Variants in NME7 observed in about 807,000 individuals in gnomAD.
NME7 encodes nucleoside diphosphate kinase 7.
Under a neutral mutation model 49.1 loss-of-function variants are expected in NME7, and 41 were observed. The ratio of observed to expected loss-of-function variants is 0.83; its 90% CI spans 0.65 to 1.08. The LOEUF (loss-of-function observed/expected upper bound fraction) is 1.08. Among genes scored for constraint, NME7 ranks in the 50% least tolerant of loss-of-function variants. The probability of loss-of-function intolerance (pLI) is 0.00; values close to 1 mark genes in which losing one functional copy is unlikely to be tolerated. For synonymous variants in NME7, 139 were observed against 150.6 expected (o/e 0.92, Z 0.56); for missense variants, 423 against 463.4 (o/e 0.91, Z 0.80).
intron 10 of NME7, among the ~76,000 whole-genome samples, chr1:169,209,472 TA>T (rs1447279922): frequency 6.6e-6 from 1 of 152,138 alleles, no homozygotes; most frequent in East Asian, 1.9e-4. Context: ...ATAAACTATG[TA>T]CTTGCTTGTG....
At chr1:169,172,172 C>CGTA (rs1659615510) in intron 10 of NME7, among the ~76,000 whole-genome samples, 1 of 152,034 alleles carries the variant, frequency 6.6e-6, no homozygotes, top group African/African-American at 2.4e-5. Context: ...GTACCCCTAC[C>CGTA]CCTTCTGGAG....
chr1:169,308,671 T>TA (rs924515619), intron 4 of NME7, among the ~76,000 whole-genome samples: 6 of 142,998 alleles, frequency 4.2e-5, no homozygotes, highest in African/African-American at 1.5e-4. Flanking sequence ...AAAGGATCTC[T>TA]AAAAAAAACT....
chr1:169,235,006 G>A, intron 9 of NME7, 125 bp downstream of exon 9: 1 of 452,588 alleles, frequency 2.2e-6, no homozygotes, highest in Non-Finnish European at 3.9e-6. Context: ...ACTTTAGTAT[G>A]AATGACTCTG....
At chr1:169,234,288 C>T (rs1261803121) in intron 9 of NME7, among the ~76,000 whole-genome samples, 1 of 152,054 alleles carries the variant, frequency 6.6e-6, no homozygotes, top group Non-Finnish European at 1.5e-5. Context: ...GCATAAGCTC[C>T]ATAAATGCAG....
At chr1:169,279,184 C>G (rs1649890120) in intron 7 of NME7, among the ~76,000 whole-genome samples, 1 of 152,204 alleles carries the variant, frequency 6.6e-6, no homozygotes, top group African/African-American at 2.4e-5. Context: ...AGATCTCCCC[C>G]TGGGTGCTGG....
intron 7 of NME7, among the ~76,000 whole-genome samples, chr1:169,253,448 T>G (rs1237019507): frequency 1.3e-5 from 2 of 151,928 alleles, no homozygotes; most frequent in Non-Finnish European, 2.9e-5. Flanking sequence ...CTTATCAGCT[T>G]AAGGAGATTT....
chr1:169,245,622 A>G (rs536677678), intron 7 of NME7, among the ~76,000 whole-genome samples: 2 of 152,230 alleles, frequency 1.3e-5, no homozygotes, highest in South Asian at 4.1e-4. Flanking sequence ...GACATGTTTA[A>G]TATTAATAAC....
At chr1:169,225,992 T>A (rs977087453) in intron 10 of NME7, among the ~76,000 whole-genome samples, 6 of 152,176 alleles carry the variant, frequency 3.9e-5, no homozygotes, top group African/African-American at 1.4e-4. Flanking sequence ...AAAAAATATT[T>A]AAATAATAAG....
Position 169,275,370 on chromosome 1 carries a change from A to G in NME7, c.754+11933T>C, listed in dbSNP as rs570774308. Among the ~76,000 whole-genome samples, 85 of 127,004 alleles carry G rather than the reference A, an allele frequency of 6.7e-4. 7 individuals are homozygous for G. The East Asian group carries it at 0.014, about 20-fold the overall frequency. The allele number at this position is 127,004 out of a possible 152,430, so 83.3% of individuals were successfully genotyped here. The stretch of plus-strand genomic sequence containing the variant: ...GGCGCGTGCCTGTAGTCCCAGCTAC[A>G]CAGGAGGCTGAGGCAGGAGAATGGC... On this transcript the variant is annotated intron_variant, in intron 7 of 11. Coordinates refer to ENST00000367811, the MANE Select transcript of NME7 (RefSeq NM_013330.5).
intron 10 of NME7, among the ~76,000 whole-genome samples, chr1:169,195,897 AG>A (rs35658009): frequency 0.36 from 54,074 of 151,990 alleles, 10,392 homozygotes; most frequent in East Asian, 0.73. Context: ...TAGTATGTTT[AG>A]AAGCTAATAC....
chr1:169,224,955 G>A (rs1189910987), intron 10 of NME7, among the ~76,000 whole-genome samples: 1 of 152,074 alleles, frequency 6.6e-6, no homozygotes, highest in African/African-American at 2.4e-5. Flanking sequence ...TGAGGGTGGT[G>A]GGACCAATAT....
At position 169,273,403 on chromosome 1, in the gene NME7, G is replaced by A. The variant is rs148231999; in HGVS notation, c.754+13900C>T. 4.3e-3 allele frequency among the ~76,000 whole-genome samples: 570 copies of A among 132,646 alleles called. 60 individuals carry two copies. The highest frequency in any genetic ancestry group is 0.014 in the African/African-American group (533 of 39,306). 87.0% of individuals were successfully genotyped at this position (132,646 alleles called of 152,430 possible). A position where few individuals can be genotyped will look rare whatever the true frequency, so the allele number is the denominator to read the frequency against. On this transcript the variant is annotated intron_variant, in intron 7 of 11. Transcript: ENST00000367811. The stretch of plus-strand genomic sequence containing the variant: ...AGGAAATGAAGTCATCACTTTTTAA[G>A]GCTGCATAGTATTCCATGGCGTATA...
At chr1:169,358,893 G>A (rs536576459) in intron 1 of NME7, among the ~76,000 whole-genome samples, 7 of 152,114 alleles carry the variant, frequency 4.6e-5, no homozygotes, top group South Asian at 2.1e-4. Flanking sequence ...ATGACCTCTC[G>A]CACCTAGTTA....
chr1:169,190,680 T>C, intron 10 of NME7: 1 of 445,490 alleles, frequency 2.2e-6, no homozygotes, highest in Non-Finnish European at 4.5e-6. Flanking sequence ...CTAAATTCAC[T>C]TGTGAGAAAT....
At chr1:169,296,326 T>A (rs72700059) in intron 6 of NME7, among the ~76,000 whole-genome samples, 37,246 of 152,142 alleles carry the variant, frequency 0.24, 5,529 homozygotes, top group Non-Finnish European at 0.34. Flanking sequence ...GTCCTCTTCT[T>A]ACTTGCCTTA....
rs113502548 is a variant in NME7, at chr1:169,242,871, C to T, written c.755-5184G>A. 7.9e-5 allele frequency among the ~76,000 whole-genome samples: 12 copies of T among 151,718 alleles called. No homozygotes were observed. The East Asian group carries it at 2.3e-3, about 29-fold the overall frequency. ...TGAATCTAACCAAAAATGTATAGAA[C>T]TTGTGTATGAAAACTACAAAATGCT... On this transcript the variant is annotated intron_variant, in intron 7 of 11. Coordinates refer to ENST00000367811, the MANE Select transcript of NME7 (RefSeq NM_013330.5).
At chr1:169,350,079 C>T (rs950316109) in intron 1 of NME7, among the ~76,000 whole-genome samples, 1 of 151,678 alleles carries the variant, frequency 6.6e-6, no homozygotes, top group African/African-American at 2.4e-5. Context: ...GTAATCCCAG[C>T]TACTCAGGAG....
chr1:169,186,233 A>G (rs1163947327), intron 10 of NME7, among the ~76,000 whole-genome samples: 2 of 152,130 alleles, frequency 1.3e-5, no homozygotes, highest in African/African-American at 4.8e-5. Context: ...GTACTTCATT[A>G]GGTTGAGAAT....
intron 11 of NME7, among the ~76,000 whole-genome samples, chr1:169,152,833 C>T (rs745480759): frequency 6.6e-6 from 1 of 152,040 alleles, no homozygotes. Flanking sequence ...GAACCTTTAT[C>T]GAGTCACTTC....
Sources: allele counts gnomAD v4.1 joint callset (sites outside exome capture counted in the v4.1 genomes callset), GRCh38; gene constraint gnomAD v4.1.1; transcripts MANE v1.5; gene names NCBI Gene and HGNC (gene_info 2026-07-23, HGNC 2026-07-21).